The following GPR158 variants were observed in gnomAD, a reference collection of about 807,000 sequenced individuals.
GPR158 encodes the protein metabotropic glycine receptor.
GPR158 carries 30 observed loss-of-function variants against 78.2 expected under a neutral mutation model. That is an observed-to-expected ratio of 0.38 (90% confidence interval 0.29 to 0.52). The LOEUF (loss-of-function observed/expected upper bound fraction) is 0.52. Among genes scored for constraint, GPR158 ranks in the 20% least tolerant of loss-of-function variants. The probability of loss-of-function intolerance (pLI) is 0.83; values close to 1 mark genes in which losing one functional copy is unlikely to be tolerated. For synonymous variants in GPR158, 581 were observed against 591.1 expected (o/e 0.98, Z 0.25); for missense variants, 1,463 against 1,523.5 (o/e 0.96, Z 0.66).
At chr10:25,408,197 G>T (rs555728745) in intron 3 of GPR158, among the ~76,000 whole-genome samples, 136 of 152,302 alleles carry the variant, frequency 8.9e-4, no homozygotes, top group African/African-American at 3.2e-3. Context: ...AAAGATTTGT[G>T]TGAGAAGGAC....
intron 2 of GPR158, among the ~76,000 whole-genome samples, chr10:25,269,177 A>G (rs762368845): frequency 4.6e-5 from 7 of 152,218 alleles, no homozygotes; most frequent in Non-Finnish European, 8.8e-5. Flanking sequence ...TTAATTGACT[A>G]ATTTTAGCTT....
intron 5 of GPR158, among the ~76,000 whole-genome samples, chr10:25,544,921 C>G (rs1836642160): frequency 6.6e-6 from 1 of 152,154 alleles, no homozygotes; most frequent in Non-Finnish European, 1.5e-5. Context: ...TGTGTTCTCA[C>G]TGTTCAACTC....
At chr10:25,434,164 AAAACAAAC>A (rs200316408) in intron 4 of GPR158, among the ~76,000 whole-genome samples, 21 of 152,244 alleles carry the variant, frequency 1.4e-4, no homozygotes, top group Non-Finnish European at 2.6e-4. Context: ...CTGTCTCAAA[AAAACAAAC>A]AAACAAACAA....
In GPR158 at chr10:25,296,288, C is replaced by T. The variant is rs78488717; in HGVS notation, c.1008+75131C>T. Among the ~76,000 whole-genome samples the T allele has an allele frequency of 1.8e-3, 269 of 152,082 alleles. 2 individuals are homozygous for T. In the East Asian group the frequency reaches 0.028, roughly 16 times the overall value. ...TCTCCTTCAGTTGAGGGCAGTTTTC[C>T]TGAGAAAGGGGTAGCTGTGAGCCTG... On this transcript the variant is annotated intron_variant, in intron 2 of 10. Transcript: ENST00000376351.
intron 3 of GPR158, among the ~76,000 whole-genome samples, chr10:25,401,301 C>G (rs577667359): frequency 6.6e-6 from 1 of 152,160 alleles, no homozygotes; most frequent in Non-Finnish European, 1.5e-5. Context: ...TAGGCTTTTA[C>G]TGTATTATAG....
At chr10:25,430,548 C>T (rs12268506) in intron 4 of GPR158, among the ~76,000 whole-genome samples, 103 of 150,308 alleles carry the variant, frequency 6.9e-4, no homozygotes, top group African/African-American at 1.4e-3. Context: ...GAGCCTGCAT[C>T]GCCAAGTCAA....
intron 5 of GPR158, among the ~76,000 whole-genome samples, chr10:25,505,678 T>C (rs972873186): frequency 1.3e-5 from 2 of 152,198 alleles, no homozygotes; most frequent in African/African-American, 4.8e-5. Flanking sequence ...TGTCCTCAGA[T>C]CCAGCCTCCC....
At chr10:25,340,242 A>C (rs1855283612) in intron 2 of GPR158, among the ~76,000 whole-genome samples, 1 of 152,006 alleles carries the variant, frequency 6.6e-6, no homozygotes, top group Non-Finnish European at 1.5e-5. Flanking sequence ...TGTTTGTTTT[A>C]TTTTATACAG....
chr10:25,513,557 T>A (rs1449162423), intron 5 of GPR158, among the ~76,000 whole-genome samples: 1 of 152,012 alleles, frequency 6.6e-6, no homozygotes, highest in Non-Finnish European at 1.5e-5. Context: ...TTTCTTCTGC[T>A]GAGTTTGGGT....
chr10:25,448,326 A>G (rs545637471), intron 4 of GPR158, among the ~76,000 whole-genome samples: 38 of 151,764 alleles, frequency 2.5e-4, no homozygotes, highest in South Asian at 1.5e-3. Context: ...TTCTGACCTC[A>G]TGATCTGCCC....
At chr10:25,326,825 TATCAAAAC>T (rs1855040804) in intron 2 of GPR158, among the ~76,000 whole-genome samples, 1 of 152,220 alleles carries the variant, frequency 6.6e-6, no homozygotes, top group South Asian at 2.1e-4. Flanking sequence ...CATATACATA[TATCAAAAC>T]ATCACATTGT....
At chr10:25,562,849 A>C (rs1836876503) in intron 6 of GPR158, among the ~76,000 whole-genome samples, 1 of 152,148 alleles carries the variant, frequency 6.6e-6, no homozygotes, top group Non-Finnish European at 1.5e-5. Context: ...GCAGATATCC[A>C]ATCCATTACT....
intron 2 of GPR158, among the ~76,000 whole-genome samples, chr10:25,232,529 T>C (rs974252208): frequency 1.3e-5 from 2 of 152,206 alleles, no homozygotes; most frequent in South Asian, 2.1e-4. Context: ...TTCCCTGATA[T>C]CTTCTTTTTC....
At chr10:25,332,121 G>GT (rs547261441) in intron 2 of GPR158, among the ~76,000 whole-genome samples, 2,502 of 152,098 alleles carry the variant, frequency 0.016, 15 homozygotes, top group African/African-American at 0.023. Context: ...ACCTGGGGGG[G>GT]GGCGAATACA....
At chr10:25,579,108 C>T (rs1409437228) in intron 7 of GPR158, among the ~76,000 whole-genome samples, 1 of 150,974 alleles carries the variant, frequency 6.6e-6, no homozygotes, top group Non-Finnish European at 1.5e-5. Context: ...TCATGTCATA[C>T]TCATTTTGGA....
At chr10:25,395,753 T>G (rs1834355848) in intron 2 of GPR158, among the ~76,000 whole-genome samples, 158 bp from the exon 3 acceptor site, 1 of 152,198 alleles carries the variant, frequency 6.6e-6, no homozygotes, top group African/African-American at 2.4e-5. Context: ...TAAAAAAAAT[T>G]GTTGGCACAA....
chr10:25,470,177 T>A (rs1835479531), intron 5 of GPR158, among the ~76,000 whole-genome samples: 1 of 152,022 alleles, frequency 6.6e-6, no homozygotes, highest in Non-Finnish European at 1.5e-5. Flanking sequence ...TCGAATTAAT[T>A]TTTCTATTTA....
intron 8 of GPR158, among the ~76,000 whole-genome samples, chr10:25,589,920 A>G (rs973102188): frequency 2.0e-5 from 3 of 152,260 alleles, no homozygotes; most frequent in African/African-American, 4.8e-5. Context: ...ATGTCATTCA[A>G]TTGCTTGACA....
chr10:25,440,176 T>C (rs1835049726), intron 4 of GPR158, among the ~76,000 whole-genome samples: 1 of 152,204 alleles, frequency 6.6e-6, no homozygotes. Flanking sequence ...TCCTCCAGAT[T>C]ACCTCTCTCG....
Sources: gnomAD v4.1 joint callset for allele counts (sites outside exome capture counted in the v4.1 genomes callset) on GRCh38, gnomAD v4.1.1 for gene constraint, MANE v1.5 for transcripts, NCBI Gene and HGNC (gene_info 2026-07-23, HGNC 2026-07-21) for gene names.